EIF2AK1: variants seen among roughly 807,000 people sequenced by gnomAD.
The protein encoded by EIF2AK1 is eukaryotic translation initiation factor 2-alpha kinase 1.
Under a neutral mutation model 77.9 loss-of-function variants are expected in EIF2AK1, and 54 were observed. That is an observed-to-expected ratio of 0.69 (90% CI 0.56 to 0.87). The LOEUF is 0.87. Ranked by LOEUF, EIF2AK1 falls within the 40% of genes least tolerant of loss-of-function variation. The probability of loss-of-function intolerance (pLI) is 0.00; values close to 1 mark genes in which losing one functional copy is unlikely to be tolerated. For synonymous variants in EIF2AK1, 314 were observed against 290.5 expected, an observed-to-expected ratio of 1.08 and a Z score of -0.82; for missense variants, 810 against 768.6, an observed-to-expected ratio of 1.05 and a Z score of -0.64.
intron 6 of EIF2AK1, among the ~76,000 whole-genome samples, chr7:6,045,767 T>C (rs1788430164): frequency 7.1e-6 from 1 of 140,422 alleles, no homozygotes; most frequent in African/African-American, 2.5e-5. Flanking sequence ...TAGCCAGGCA[T>C]GGTGGCAGAT....
chr7:6,035,609 C>CA lies in EIF2AK1; in HGVS notation c.1332+1814dup. 6.4e-7 allele frequency: 1 copy of CA among 1,551,034 alleles called. No homozygotes were observed. The highest frequency in any genetic ancestry group is 8.7e-7 in the Non-Finnish European group (1 of 1,147,102). On this transcript the variant is annotated intron_variant, in intron 11 of 14. Coordinates refer to ENST00000199389, the MANE Select transcript of EIF2AK1 (RefSeq NM_014413.4). The surrounding 1 kb of genome is among the most constrained non-coding windows in gnomAD (Gnocchi z 5.5). ...TGTGTGCGCACGGAGCTCAAGTGAA[C>CA]ACTCAAGGGGAAATCAGCAACAAAC...
At chr7:6,057,752 C>G (rs1788827198) in intron 1 of EIF2AK1, 1 of 165,020 alleles carries the variant, frequency 6.1e-6, no homozygotes, top group South Asian at 1.2e-4. Context: ...CTGCCTCAGC[C>G]TCGAAAGTAG....
intron 9 of EIF2AK1, among the ~76,000 whole-genome samples, chr7:6,040,363 G>A (rs528788822): frequency 1.3e-5 from 2 of 152,182 alleles, no homozygotes; most frequent in Admixed American, 6.6e-5. Context: ...TAATGTTCAT[G>A]TTTTTAATAT....
rs1018370602 is a variant in EIF2AK1, at chr7:6,036,823, T to G, written c.1332+601A>C. 1.3e-5 allele frequency among the ~76,000 whole-genome samples: 2 copies of G among 152,132 alleles called. No individual in the cohort carries two copies. Among genetic ancestry groups the G allele is most frequent in the African/African-American group, 4.8e-5 (2 of 41,426 alleles). On this transcript the variant is annotated intron_variant, in intron 11 of 14. Transcript: ENST00000199389. This position sits in a 1 kb window ranked among gnomAD's most constrained non-coding sequence, Gnocchi z 4.6. ...CTGCAATAATAAATGAGCATTTCTG[T>G]CAGCACTAAATACATTTAGCACCCC...
At position 6,035,505 on chromosome 7, in the gene EIF2AK1, A is replaced by G. The variant is rs1788051600; in HGVS notation, c.1332+1919T>C. ...ACTGCACTGGCCAGTCACTTCCACC[A>G]CGTGGGCAAAACCAGGCAACAGAAC... On this transcript the variant is annotated intron_variant, in intron 11 of 14. Transcript: ENST00000199389. The surrounding 1 kb of genome is among the most constrained non-coding windows in gnomAD (Gnocchi z 5.5). The G allele has an allele frequency of 6.4e-7, 1 of 1,550,990 alleles. No homozygotes were observed. Among genetic ancestry groups the G allele is most frequent in the African/African-American group, 1.4e-5 (1 of 73,026 alleles).
At chr7:6,043,711 G>C (rs938248232) in intron 7 of EIF2AK1, among the ~76,000 whole-genome samples, 1 of 151,792 alleles carries the variant, frequency 6.6e-6, no homozygotes, top group Non-Finnish European at 1.5e-5. Context: ...ACAGCCATGA[G>C]CCACACTGCC....
intron 7 of EIF2AK1, among the ~76,000 whole-genome samples, chr7:6,043,868 G>A (rs1462863401): frequency 1.3e-5 from 2 of 152,052 alleles, no homozygotes; most frequent in Non-Finnish European, 1.5e-5. Flanking sequence ...GGAGGCCGAG[G>A]CAGGTGGATC....
intron 1 of EIF2AK1, among the ~76,000 whole-genome samples, chr7:6,057,774 G>A (rs1020516136): frequency 6.6e-6 from 1 of 151,994 alleles, no homozygotes; most frequent in African/African-American, 2.4e-5. Flanking sequence ...TGGGATTACA[G>A]GCGACCGCCA....
At chr7:6,031,724 C>A in intron 11 of EIF2AK1, 1 of 868,738 alleles carries the variant, frequency 1.2e-6, no homozygotes, top group South Asian at 1.7e-5. Flanking sequence ...TCACTCCACA[C>A]ACACTGCAGT....
chr7:6,048,976 T>C (rs1788520948), intron 3 of EIF2AK1, 132 bp from the exon 4 acceptor site: 10 of 613,050 alleles, frequency 1.6e-5, no homozygotes, highest in South Asian at 4.4e-5. Context: ...GCTTTTTCAG[T>C]ATTACTTAAG....
In EIF2AK1 at chr7:6,036,196, T is replaced by C; in HGVS notation, c.1332+1228A>G. On this transcript the variant is annotated intron_variant, in intron 11 of 14. Transcript: ENST00000199389. The surrounding 1 kb of genome is among the most constrained non-coding windows in gnomAD (Gnocchi z 4.6). ...GGAATTCTACCTGCAGGAATCATGC[T>C]ACCAGAATTCCGCCTCTTAAGGGAC... The C allele has an allele frequency of 6.5e-7, 1 of 1,549,798 alleles. No individual in the cohort carries two copies. The highest frequency in any genetic ancestry group is 1.4e-5 in the African/African-American group (1 of 73,100).
At chr7:6,041,820 A>G (rs929632243) in intron 8 of EIF2AK1, among the ~76,000 whole-genome samples, 11 of 148,822 alleles carry the variant, frequency 7.4e-5, no homozygotes, top group African/African-American at 2.7e-4. Flanking sequence ...CACCCTGGCC[A>G]ACAGAGTGAG....
rs1418525775 is a variant in EIF2AK1 at position 6,059,128 on chromosome 7, G to C, written c.-45C>G. ...GCAGCCCAGCCCGCCGGCCAGCCCAGCACTGCCACACTCCGATGCTGCAGC... is the reference window on the plus strand; with the variant it reads ...GCAGCCCAGCCCGCCGGCCAGCCCACCACTGCCACACTCCGATGCTGCAGC... On this transcript the variant is annotated 5_prime_UTR_variant, in exon 1 of 15. Transcript: ENST00000199389. 2 of 1,249,398 alleles carry C rather than the reference G, an allele frequency of 1.6e-6. No individual in the cohort carries two copies. The highest frequency in any genetic ancestry group is 3.7e-5 in the South Asian group (2 of 53,596). The allele number at this position is 1,249,398 out of a possible 1,614,324, so 77.4% of individuals were successfully genotyped here.
chr7:6,049,529 C>T (rs551796), intron 3 of EIF2AK1, among the ~76,000 whole-genome samples: 62,953 of 151,864 alleles, frequency 0.41, 13,267 homozygotes, highest in Middle Eastern at 0.54. Context: ...GATGACAGTG[C>T]GAGACTCTGT....
intron 1 of EIF2AK1, chr7:6,058,190 G>A (rs1788844794): frequency 4.4e-6 from 2 of 455,228 alleles, no homozygotes; most frequent in Non-Finnish European, 8.8e-6. Flanking sequence ...CGGGAGAATC[G>A]CTTGAGGCCA....
chr7:6,044,542 T>C lies in EIF2AK1; in HGVS notation c.730+20A>G, dbSNP rs1412162621. 3.7e-6 allele frequency: 6 copies of C among 1,605,930 alleles called. No homozygotes were observed. The highest frequency in any genetic ancestry group is 5.1e-6 in the Non-Finnish European group (6 of 1,174,658). On this transcript the variant is annotated intron_variant, in intron 7 of 14. Transcript: ENST00000199389. ...AAGTTTGCCAACGCTTCAACTACCA[T>C]ACCATCAAAAACGGCTTACCTCGTG...
At chr7:6,043,468 G>A (rs1441714896) in intron 7 of EIF2AK1, among the ~76,000 whole-genome samples, 1 of 151,856 alleles carries the variant, frequency 6.6e-6, no homozygotes, top group Non-Finnish European at 1.5e-5. Flanking sequence ...TCGCTCTGTT[G>A]CCCAGGGTGG....
In EIF2AK1 at chr7:6,036,033, GC is replaced by G; in HGVS notation, c.1332+1390del. The G allele has an allele frequency of 1.3e-6, 2 of 1,551,030 alleles. No homozygotes were observed. The highest frequency in any genetic ancestry group is 2.4e-5 in the South Asian group (2 of 84,058). ...CATCAATCTCCTGCTTGAATTTGAA[GC>G]AAATGTTAACATTTTAACAAGAAAC... On this transcript the variant is annotated intron_variant, in intron 11 of 14. Coordinates refer to ENST00000199389, the MANE Select transcript of EIF2AK1 (RefSeq NM_014413.4). This position sits in a 1 kb window ranked among gnomAD's most constrained non-coding sequence, Gnocchi z 4.6.
At position 6,039,166 on chromosome 7, in the gene EIF2AK1, A is replaced by T. The variant is rs77633129; in HGVS notation, c.1120-495T>A. Among the ~76,000 whole-genome samples the T allele has an allele frequency of 5.6e-4, 85 of 152,326 alleles. No individual in the cohort carries two copies. In the East Asian group the frequency reaches 0.016, roughly 28 times the overall value. ...TTATTCAATAAAAAGTTAAGCAAAC[A>T]CTAAGCTTACTGTAGCCCACTGTAT... On this transcript the variant is annotated intron_variant, in intron 9 of 14. Transcript: ENST00000199389.
Sources: gnomAD v4.1 joint callset for allele counts (sites outside exome capture counted in the v4.1 genomes callset) on GRCh38, gnomAD v4.1.1 for gene constraint, Gnocchi (gnomAD v3.1) non-coding constraint, MANE v1.5 for transcripts, NCBI Gene and HGNC (gene_info 2026-07-23, HGNC 2026-07-21) for gene names.